Variants in DEK observed in about 807,000 individuals in gnomAD.
DEK encodes protein DEK.
DEK carries 28 observed loss-of-function variants against 46.8 expected under a neutral mutation model. The ratio of observed to expected loss-of-function variants is 0.60; its 90% confidence interval spans 0.44 to 0.82. The LOEUF is 0.82. Among genes scored for constraint, DEK ranks in the 40% least tolerant of loss-of-function variants. DEK has a pLI of 0.00. For synonymous variants in DEK, 160 were observed against 144.5 expected (o/e 1.11, Z -0.77); for missense variants, 416 against 430.6 (o/e 0.97, Z 0.30).
At chr6:18,254,699 G>A (rs1212671138) in intron 6 of DEK, among the ~76,000 whole-genome samples, 1 of 152,010 alleles carries the variant, frequency 6.6e-6, no homozygotes, top group Admixed American at 6.5e-5. Flanking sequence ...CTAGTAAATT[G>A]CTTCTGAGGA....
chr6:18,237,995 A>G (rs936432359), intron 7 of DEK, among the ~76,000 whole-genome samples: 2 of 149,640 alleles, frequency 1.3e-5, no homozygotes, highest in Non-Finnish European at 3.0e-5. Flanking sequence ...CTGCCTCCCT[A>G]GTAGCTGGGA....
intron 2 of DEK, among the ~76,000 whole-genome samples, chr6:18,262,631 T>C (rs1008727116): frequency 6.6e-6 from 1 of 152,148 alleles, no homozygotes; most frequent in African/African-American, 2.4e-5. Context: ...ATGAAGAAAA[T>C]TCACCATTTC....
At chr6:18,230,628 A>AG (rs1475206081) in intron 9 of DEK, among the ~76,000 whole-genome samples, 3 of 152,236 alleles carry the variant, frequency 2.0e-5, no homozygotes, top group Non-Finnish European at 2.9e-5. Context: ...AAAGAGACAA[A>AG]GAAGGGCATT....
chr6:18,258,250 T>C (rs1791687733), intron 3 of DEK, 54 bp downstream of exon 3: 5 of 1,462,922 alleles, frequency 3.4e-6, no homozygotes, highest in Non-Finnish European at 4.7e-6. Flanking sequence ...ACCATCATTT[T>C]CACAAATTTA....
chr6:18,235,314 G>C (rs1790600901), intron 9 of DEK, among the ~76,000 whole-genome samples: 1 of 152,152 alleles, frequency 6.6e-6, no homozygotes, highest in South Asian at 2.1e-4. Flanking sequence ...CCTAACTTCT[G>C]TGAGGACTTC....
In DEK at chr6:18,256,455, C is replaced by T. The variant is rs903058409; in HGVS notation, c.358G>A (p.Val120Met). ...HKLLYNRPGT[V>M]SSLKKNVGQF... ...CCCACATTCTTCTTTAATGAGGACACCTGAAAATGTTCCTTATTATTAATG... is the reference window on the plus strand; with the variant it reads ...CCCACATTCTTCTTTAATGAGGACATCTGAAAATGTTCCTTATTATTAATG... Residue 120 changes from valine (V) to methionine (M), a missense_variant and splice_region_variant, in exon 5 of 11, where the codon GTG becomes ATG. Transcript: ENST00000652689. 82 of 1,609,726 alleles carry T rather than the reference C, an allele frequency of 5.1e-5. No individual in the cohort carries two copies. Among genetic ancestry groups the T allele is most frequent in the Non-Finnish European group, 6.0e-5 (71 of 1,177,940 alleles).
chr6:18,245,526 C>T (rs1011725033), intron 7 of DEK, among the ~76,000 whole-genome samples: 4 of 152,100 alleles, frequency 2.6e-5, no homozygotes, highest in Admixed American at 1.3e-4. Flanking sequence ...TTTCGAGATA[C>T]GTATGCGCTA....
chr6:18,227,603 C>A (rs1325232163), intron 9 of DEK, among the ~76,000 whole-genome samples: 1 of 152,126 alleles, frequency 6.6e-6, no homozygotes, highest in Non-Finnish European at 1.5e-5. Flanking sequence ...CCCCTTATTT[C>A]TTTCTCTATA....
intron 7 of DEK, among the ~76,000 whole-genome samples, chr6:18,249,024 C>T (rs966663297): frequency 6.6e-6 from 1 of 152,196 alleles, no homozygotes; most frequent in African/African-American, 2.4e-5. Context: ...TCTCCATGAT[C>T]TACCTGACTG....
At chr6:18,253,907 C>A (rs1791496655) in intron 6 of DEK, among the ~76,000 whole-genome samples, 1 of 152,052 alleles carries the variant, frequency 6.6e-6, no homozygotes, top group Non-Finnish European at 1.5e-5. Flanking sequence ...CTCACTCTGT[C>A]ACCCAGGCTG....
intron 7 of DEK, 64 bp from the exon 8 acceptor site, chr6:18,237,580 T>A: frequency 6.6e-7 from 1 of 1,522,520 alleles, no homozygotes; most frequent in East Asian, 2.3e-5. Context: ...ATCCCATCCC[T>A]CTACTTCCCC....
chr6:18,224,313 C>G lies in DEK; in HGVS notation c.*1406G>C, dbSNP rs1222544023. The G allele has an allele frequency of 5.4e-6, 1 of 183,602 alleles. No homozygotes were observed. Among genetic ancestry groups the G allele is most frequent in the Non-Finnish European group, 1.2e-5 (1 of 86,580 alleles). 11.4% of individuals were successfully genotyped at this position (183,602 alleles called of 1,614,324 possible). On this transcript the variant is annotated 3_prime_UTR_variant, in exon 11 of 11. Transcript: ENST00000652689. Reference sequence around the variant, plus strand: ...CTTTCCCTAGTGTCTGAGTAACTATCAAGAAACAAACCTGTGAAAATACCT... The same window carrying G: ...CTTTCCCTAGTGTCTGAGTAACTATGAAGAAACAAACCTGTGAAAATACCT...
At chr6:18,238,022 C>T (rs1302975085) in intron 7 of DEK, among the ~76,000 whole-genome samples, 1 of 151,884 alleles carries the variant, frequency 6.6e-6, no homozygotes, top group Non-Finnish European at 1.5e-5. Flanking sequence ...GTGCTCGCCA[C>T]CACACCCGGC....
Position 18,236,506 on chromosome 6 carries a change from T to C in DEK, c.993A>G (p.Lys331=), listed in dbSNP as rs750949391. ...TDEELKETIK[K]LLASANLEEV... ...CTTCCAAGTTAGCACTGGCCAGTAA[T>C]TTCTTTATTGTTTCCTTTAACTCTT... The change falls in exon 9 of 11, where the codon AAA becomes AAG. Residue 331 remains lysine (K), a synonymous_variant. Transcript: ENST00000652689. The C allele has an allele frequency of 5.0e-6, 8 of 1,607,288 alleles. No individual in the cohort carries two copies. The South Asian group carries it at 5.6e-5, about 11-fold the overall frequency.
intron 2 of DEK, among the ~76,000 whole-genome samples, chr6:18,262,987 G>A (rs1449125743): frequency 6.6e-6 from 1 of 152,136 alleles, no homozygotes; most frequent in African/African-American, 2.4e-5. Context: ...GTGTGGCTGA[G>A]TCGTAAACAT....
intron 2 of DEK, 107 bp downstream of exon 2, chr6:18,263,736 C>T: frequency 6.3e-7 from 1 of 1,595,376 alleles, no homozygotes; most frequent in South Asian, 1.1e-5. Context: ...ATCACTCCGA[C>T]TTCACGCCTC....
chr6:18,235,969 C>G (rs1023566228), intron 9 of DEK, among the ~76,000 whole-genome samples: 3 of 152,134 alleles, frequency 2.0e-5, no homozygotes, highest in African/African-American at 7.2e-5. Flanking sequence ...TCCATAGAAT[C>G]CCTATGGAAT....
chr6:18,262,161 TG>T (rs1791904305), intron 2 of DEK, among the ~76,000 whole-genome samples: 1 of 152,168 alleles, frequency 6.6e-6, no homozygotes. Context: ...CTGCCATGAT[TG>T]GAAGTTTCCT....
At chr6:18,235,434 A>T (rs1790605076) in intron 9 of DEK, among the ~76,000 whole-genome samples, 1 of 152,194 alleles carries the variant, frequency 6.6e-6, no homozygotes, top group Admixed American at 6.5e-5. Context: ...ATGCTCCACT[A>T]GGAAATTCAG....
Sources: gnomAD v4.1 joint callset for allele counts (sites outside exome capture counted in the v4.1 genomes callset) on GRCh38, gnomAD v4.1.1 for gene constraint, MANE v1.5 for transcripts, NCBI Gene and HGNC (gene_info 2026-07-23, HGNC 2026-07-21) for gene names.